The following SH3BP4 variants were observed in gnomAD, a reference collection of about 807,000 sequenced individuals.
SH3BP4 encodes SH3 domain-binding protein 4.
In SH3BP4, 33 loss-of-function variants were observed where a neutral mutation model predicts 65.5. The observed-to-expected ratio is 0.50, with a 90% CI of 0.38 to 0.67. SH3BP4 has a LOEUF of 0.67. SH3BP4 is among the 30% of genes least tolerant of loss of function. The pLI is 0.00. For synonymous variants in SH3BP4, 552 were observed against 545.5 expected (o/e 1.01, Z -0.17); for missense variants, 1,134 against 1,261.4 (o/e 0.90, Z 1.53).
In SH3BP4 at chr2:234,978,116, G is replaced by A. The variant is rs1396354942; in HGVS notation, c.-206-17187G>A. Among the ~76,000 whole-genome samples, 3 of 151,920 alleles carry A rather than the reference G, an allele frequency of 2.0e-5. No homozygotes were observed. The highest frequency in any genetic ancestry group is 1.9e-4 in the East Asian group (1 of 5,132). On this transcript the variant is annotated intron_variant, in intron 1 of 5. Coordinates refer to ENST00000392011, the MANE Select transcript of SH3BP4 (RefSeq NM_014521.3). This position sits in a 1 kb window ranked among gnomAD's most constrained non-coding sequence, Gnocchi z 4.1. ...GATTACAGGCATGCGCCACCATGCC[G>A]GCTAATTTTTGTATTTTTTAGTAGA...
At position 235,035,136 on chromosome 2, in the gene SH3BP4, A is replaced by G. The variant is rs531600239; in HGVS notation, c.118+16A>G. ...GACATCAAAGGTGAGCTTCTGGGGA[A>G]CAGGACTGTGGCTAAGGGAGAACGT... On this transcript the variant is annotated intron_variant, in intron 3 of 5. Transcript: ENST00000392011. This position sits in a 1 kb window ranked among gnomAD's most constrained non-coding sequence, Gnocchi z 5.0. The G allele has an allele frequency of 3.2e-6, 5 of 1,576,476 alleles. No individual in the cohort carries two copies. In the Admixed American group the frequency reaches 5.0e-5, roughly 16 times the overall value.
chr2:235,032,208 G>T (rs925990922), intron 2 of SH3BP4, among the ~76,000 whole-genome samples: 3 of 152,174 alleles, frequency 2.0e-5, no homozygotes, highest in Non-Finnish European at 4.4e-5. Flanking sequence ...GAGCACCCCA[G>T]TCCCTGACAG....
chr2:235,007,129 G>A (rs1694320648), intron 2 of SH3BP4, among the ~76,000 whole-genome samples: 1 of 152,110 alleles, frequency 6.6e-6, no homozygotes, highest in African/African-American at 2.4e-5. Context: ...TCAAGTAGAG[G>A]GGAGGGAGGG....
Position 235,052,701 on chromosome 2 carries a change from A to G in SH3BP4, c.2618A>G (p.Asp873Gly). 1.9e-6 allele frequency: 3 copies of G among 1,605,694 alleles called. No homozygotes were observed. The highest frequency in any genetic ancestry group is 2.5e-6 in the Non-Finnish European group (3 of 1,176,620). ...GCCAAGGTCTCCAAGCAGCAGATGGACGCCTACGAGTCTCCCCACCGGGAC... is the reference window on the plus strand; with the variant it reads ...GCCAAGGTCTCCAAGCAGCAGATGGGCGCCTACGAGTCTCCCCACCGGGAC... Reference protein sequence around the residue: ...KLAKVSKQQMDAYESPHRDRN... With the variant: ...KLAKVSKQQMGAYESPHRDRN... The change falls in exon 5 of 6, where the codon GAC becomes GGC. Residue 873 changes from aspartate (D) to glycine (G), a missense_variant. Transcript: ENST00000392011. The surrounding 1 kb of genome is among the most constrained non-coding windows in gnomAD (Gnocchi z 5.0).
chr2:235,048,566 T>C (rs73126153), intron 4 of SH3BP4, among the ~76,000 whole-genome samples: 9,567 of 151,658 alleles, frequency 0.063, 465 homozygotes, highest in African/African-American at 0.14. Flanking sequence ...GTGGAACTCA[T>C]TGAGCTCAAG....
chr2:235,042,982 C>T lies in SH3BP4; in HGVS notation c.2213C>T (p.Ser738Leu), dbSNP rs996292773. The stretch of plus-strand genomic sequence containing the variant: ...TGCTCGGGCCCCGAGCTGAGCACCT[C>T]GGTGCTGCTGGAGCAGATCCTGCGG... ...SLCSGPELST[S>L]VLLEQILRPC... is the part of the protein sequence containing the mutation. The change falls in exon 4 of 6, where the codon TCG (serine) becomes TTG (leucine). Residue 738 changes from serine (S) to leucine (L), a missense_variant. By Grantham distance (145) the Ser-to-Leu change is moderately radical. Coordinates refer to ENST00000392011, the MANE Select transcript of SH3BP4 (RefSeq NM_014521.3). The surrounding 1 kb of genome is among the most constrained non-coding windows in gnomAD (Gnocchi z 7.3). The T allele has an allele frequency of 1.6e-5, 26 of 1,612,282 alleles. No homozygotes were observed. Among genetic ancestry groups the T allele is most frequent in the African/African-American group, 2.7e-5 (2 of 74,890 alleles).
intron 1 of SH3BP4, among the ~76,000 whole-genome samples, chr2:234,970,104 CA>C (rs1265386842): frequency 6.6e-6 from 1 of 151,852 alleles, no homozygotes; most frequent in Non-Finnish European, 1.5e-5. Context: ...CAAATACACT[CA>C]CTCACACACA....
chr2:235,043,180 A>G lies in SH3BP4; in HGVS notation c.2411A>G (p.Lys804Arg). ...EPERVASVLE[K>R]LKEDCNNTEN... is the part of the protein sequence containing the mutation. ...GAGCGGGTGGCGTCCGTCCTAGAAAAGCTGAAGGAGGACTGTAACAACACT... is the reference window on the plus strand; with the variant it reads ...GAGCGGGTGGCGTCCGTCCTAGAAAGGCTGAAGGAGGACTGTAACAACACT... Residue 804 changes from lysine (K) to arginine (R), a missense_variant, in exon 4 of 6, where the codon AAG becomes AGG. By Grantham distance (26) the Lys-to-Arg change is conservative (BLOSUM62 2). Transcript: ENST00000392011. The G allele has an allele frequency of 1.2e-6, 2 of 1,609,316 alleles. No individual in the cohort carries two copies. The highest frequency in any genetic ancestry group is 1.7e-6 in the Non-Finnish European group (2 of 1,177,202).
Position 235,030,723 on chromosome 2 carries a change from C to T in SH3BP4, c.-132-4148C>T, listed in dbSNP as rs1271935744. On this transcript the variant is annotated intron_variant, in intron 2 of 5. Coordinates refer to ENST00000392011, the MANE Select transcript of SH3BP4 (RefSeq NM_014521.3). The surrounding 1 kb of genome is among the most constrained non-coding windows in gnomAD (Gnocchi z 4.1). ...CCCAGTGAGGAGCACACAGGGCAGC[C>T]CTGGGATGCTGGCTGCATTCTCCAT... Among the ~76,000 whole-genome samples, 3 of 152,084 alleles carry T rather than the reference C, an allele frequency of 2.0e-5. No individual in the cohort carries two copies. In the East Asian group the frequency reaches 5.8e-4, roughly 29 times the overall value.
At chr2:234,988,509 C>T (rs534982392) in intron 1 of SH3BP4, among the ~76,000 whole-genome samples, 1 of 152,364 alleles carries the variant, frequency 6.6e-6, no homozygotes, top group South Asian at 2.1e-4. Flanking sequence ...GACCCCAGCT[C>T]CAGCCAGGGG....
chr2:234,971,774 C>T (rs901977013), intron 1 of SH3BP4, among the ~76,000 whole-genome samples: 1 of 152,118 alleles, frequency 6.6e-6, no homozygotes, highest in Non-Finnish European at 1.5e-5. Context: ...CTTTAAACTG[C>T]ATTTATTAAC....
At chr2:234,972,706 C>G (rs563093547) in intron 1 of SH3BP4, among the ~76,000 whole-genome samples, 55 of 152,038 alleles carry the variant, frequency 3.6e-4, no homozygotes, top group Non-Finnish European at 7.6e-4. Flanking sequence ...AGCCTGGGTA[C>G]AGAGCAAGAC....
intron 2 of SH3BP4, among the ~76,000 whole-genome samples, chr2:234,998,570 G>A (rs1693999904): frequency 6.6e-6 from 1 of 152,164 alleles, no homozygotes. Context: ...TTTTGGTTTC[G>A]AGGTGAAAGT....
intron 1 of SH3BP4, among the ~76,000 whole-genome samples, chr2:234,957,395 C>T (rs922901488): frequency 1.3e-5 from 2 of 151,914 alleles, no homozygotes; most frequent in African/African-American, 4.8e-5. Context: ...AGAGCTGGGT[C>T]CTGCTCACCA....
In SH3BP4 at chr2:234,992,722, G is replaced by A. The variant is rs114851666; in HGVS notation, c.-206-2581G>A. Among the ~76,000 whole-genome samples, 478 of 144,672 alleles carry A rather than the reference G, an allele frequency of 3.3e-3. 6 individuals carry two copies. The highest frequency in any genetic ancestry group is 0.012 in the African/African-American group (468 of 40,502). The allele number at this position is 144,672 out of a possible 152,430, so 94.9% of individuals were successfully genotyped here. Reference sequence around the variant, plus strand: ...TCCTGCTGCGTGGCTCTGGGTCTGGGCAGCACCTGGAGATGGATGCATTCC... The same window carrying A: ...TCCTGCTGCGTGGCTCTGGGTCTGGACAGCACCTGGAGATGGATGCATTCC... On this transcript the variant is annotated intron_variant, in intron 1 of 5. Transcript: ENST00000392011.
rs572209023 is a variant in SH3BP4, at chr2:235,027,359, G to A, written c.-132-7512G>A. Among the ~76,000 whole-genome samples the A allele has an allele frequency of 1.5e-4, 17 of 116,176 alleles. No homozygotes were observed. In the East Asian group the frequency reaches 4.6e-3, roughly 31 times the overall value. 76.2% of individuals were successfully genotyped at this position (116,176 alleles called of 152,430 possible). A position where few individuals can be genotyped will look rare whatever the true frequency, so the allele number is the denominator to read the frequency against. On this transcript the variant is annotated intron_variant, in intron 2 of 5. Coordinates refer to ENST00000392011, the MANE Select transcript of SH3BP4 (RefSeq NM_014521.3). ...GTCCCTCCCACCCACCCCAGGCCCC[G>A]AAGGCTTCTCCACTATAGCAACGGG...
intron 1 of SH3BP4, among the ~76,000 whole-genome samples, chr2:234,971,961 C>T (rs1026726189): frequency 2.0e-5 from 3 of 151,756 alleles, no homozygotes; most frequent in Admixed American, 6.6e-5. Flanking sequence ...AGACTACAGG[C>T]GTGTGCCACC....
chr2:234,966,105 AC>A (rs1167260850), intron 1 of SH3BP4, among the ~76,000 whole-genome samples: 1 of 152,208 alleles, frequency 6.6e-6, no homozygotes, highest in Non-Finnish European at 1.5e-5. Context: ...GAGGCTGGGC[AC>A]GGTGGCTCAC....
intron 1 of SH3BP4, among the ~76,000 whole-genome samples, chr2:234,958,843 C>T (rs894679452): frequency 6.6e-6 from 1 of 152,010 alleles, no homozygotes; most frequent in African/African-American, 2.4e-5. Context: ...GAGTGGAGGC[C>T]ACGCAGAAGA....
Sources: allele counts gnomAD v4.1 joint callset (sites outside exome capture counted in the v4.1 genomes callset), GRCh38; gene constraint gnomAD v4.1.1; non-coding constraint Gnocchi (gnomAD v3.1); transcripts MANE v1.5; gene names NCBI Gene and HGNC (gene_info 2026-07-23, HGNC 2026-07-21).